Variants in RBFOX2 observed in about 807,000 individuals in gnomAD.
RBFOX2 encodes RNA binding fox-1 homolog 2, also known as RNA binding protein fox-1 homolog 2.
A neutral mutation model predicts 49.1 loss-of-function variants in RBFOX2; 10 were observed. That is an observed-to-expected ratio of 0.20 (90% CI 0.13 to 0.35). The LOEUF (loss-of-function observed/expected upper bound fraction) is 0.35. Among genes scored for constraint, RBFOX2 ranks in the 10% least tolerant of loss-of-function variants. RBFOX2 has a pLI of 1.00. For synonymous variants in RBFOX2, 183 were observed against 187.4 expected (o/e 0.98, Z 0.19); for missense variants, 323 against 486.9 (o/e 0.66, Z 3.17).
In RBFOX2 at chr22:35,944,523, T is replaced by C. The variant is rs79644956; in HGVS notation, c.43-5626A>G. ...ATTTTAAAAATACAGTTAAGAGAGG[T>C]ACAAAGAAAACTTAACAATACTGAA... is the stretch of plus-strand genomic sequence containing the variant. On this transcript the variant is annotated intron_variant, in intron 1 of 5. Transcript: ENST00000408983. 3.3e-3 allele frequency among the ~76,000 whole-genome samples: 502 copies of C among 152,000 alleles called. 1 individual carries two copies. Among genetic ancestry groups the C allele is most frequent in the African/African-American group, 0.011 (469 of 41,442 alleles).
chr22:35,835,662 A>G (rs997853373), intron 1 of RBFOX2, among the ~76,000 whole-genome samples: 2 of 152,240 alleles, frequency 1.3e-5, no homozygotes, highest in East Asian at 3.8e-4. Context: ...GGAGAAAGAT[A>G]AAGGAAAAAA....
chr22:35,773,851 A>C (rs1428755622), intron 4 of RBFOX2, among the ~76,000 whole-genome samples: 1 of 152,116 alleles, frequency 6.6e-6, no homozygotes, highest in Non-Finnish European at 1.5e-5. Flanking sequence ...AAGATGGTAG[A>C]AAGTCTGACC....
chr22:35,880,686 T>C (rs2045763621), intron 1 of RBFOX2, among the ~76,000 whole-genome samples: 1 of 152,236 alleles, frequency 6.6e-6, no homozygotes, highest in East Asian at 1.9e-4. Flanking sequence ...TTTTATCTTG[T>C]AATAATACAT....
upstream of RBFOX2, among the ~76,000 whole-genome samples, chr22:35,844,415 ACC>A (rs2040898697): frequency 6.6e-6 from 1 of 152,224 alleles, no homozygotes; most frequent in African/African-American, 2.4e-5. Flanking sequence ...AATGAAGAGC[ACC>A]TATGTAGTTA....
chr22:35,984,861 C>G (rs1244440219), intron 1 of RBFOX2, among the ~76,000 whole-genome samples: 1 of 152,162 alleles, frequency 6.6e-6, no homozygotes, highest in Non-Finnish European at 1.5e-5. Flanking sequence ...AAGCTGAGTT[C>G]AAATGCCTCC....
At chr22:35,812,878 A>T (rs146743637) in intron 1 of RBFOX2, among the ~76,000 whole-genome samples, 28 of 152,236 alleles carry the variant, frequency 1.8e-4, no homozygotes, top group African/African-American at 6.8e-4. Context: ...ATTCTCTCAC[A>T]GCGTTATTCT....
At chr22:35,838,784 T>C (rs759167924) in intron 1 of RBFOX2, among the ~76,000 whole-genome samples, 21 of 152,212 alleles carry the variant, frequency 1.4e-4, no homozygotes, top group Middle Eastern at 3.2e-3. Flanking sequence ...CTTCTCCGCT[T>C]TTCCAAAAGA....
At chr22:35,789,113 C>T (rs1369837146) in intron 2 of RBFOX2, among the ~76,000 whole-genome samples, 1 of 152,162 alleles carries the variant, frequency 6.6e-6, no homozygotes. Context: ...ATACCCACCC[C>T]TCATCCCACC....
At chr22:35,922,607 C>G (rs912196530) in intron 1 of RBFOX2, among the ~76,000 whole-genome samples, 1 of 151,518 alleles carries the variant, frequency 6.6e-6, no homozygotes, top group Non-Finnish European at 1.5e-5. Flanking sequence ...TAAATCAGGA[C>G]TTTGGTCTAT....
intron 1 of RBFOX2, among the ~76,000 whole-genome samples, chr22:35,970,655 G>A (rs1391573968): frequency 6.6e-6 from 1 of 152,048 alleles, no homozygotes; most frequent in South Asian, 2.1e-4. Context: ...AACAGAGTGA[G>A]ACCCTATCTA....
upstream of RBFOX2, among the ~76,000 whole-genome samples, chr22:35,962,076 T>G (rs1371679816): frequency 6.6e-6 from 1 of 152,172 alleles, no homozygotes; most frequent in Non-Finnish European, 1.5e-5. Context: ...AAAAAAACAG[T>G]TGGGTCATTT....
chr22:35,835,316 A>G (rs1215237553), intron 1 of RBFOX2, among the ~76,000 whole-genome samples: 1 of 152,214 alleles, frequency 6.6e-6, no homozygotes, highest in East Asian at 1.9e-4. Context: ...GGGGGGCTGT[A>G]TCACCTAGTA....
intron 1 of RBFOX2, among the ~76,000 whole-genome samples, chr22:35,810,387 T>TA (rs1951634780): frequency 6.6e-6 from 1 of 151,876 alleles, no homozygotes; most frequent in Non-Finnish European, 1.5e-5. Context: ...ACTCTGTCCC[T>TA]AAAAAATACG....
At chr22:35,793,628 CA>C (rs1243786617) in intron 2 of RBFOX2, among the ~76,000 whole-genome samples, 1 of 151,956 alleles carries the variant, frequency 6.6e-6, no homozygotes, top group Non-Finnish European at 1.5e-5. Context: ...ATATCACCAC[CA>C]AAACAATTTT....
chr22:35,779,378 G>C (rs1001276105), intron 3 of RBFOX2, among the ~76,000 whole-genome samples: 2 of 152,116 alleles, frequency 1.3e-5, no homozygotes, highest in Non-Finnish European at 2.9e-5. Context: ...CTGAAAAATG[G>C]AAAGAGCAAA....
intron 1 of RBFOX2, among the ~76,000 whole-genome samples, chr22:35,837,523 A>G (rs1957899814): frequency 1.3e-5 from 2 of 152,102 alleles, no homozygotes; most frequent in African/African-American, 4.8e-5. Flanking sequence ...ACACACACAC[A>G]CACGCAGGCA....
chr22:35,936,238 A>C (rs1432080326), intron 1 of RBFOX2, among the ~76,000 whole-genome samples: 5 of 106,546 alleles, frequency 4.7e-5, no homozygotes, highest in Non-Finnish European at 8.0e-5. Context: ...CAACAACAAC[A>C]AAAAAAAAAA....
chr22:35,782,074 C>A (rs995041561), intron 2 of RBFOX2, among the ~76,000 whole-genome samples: 1 of 152,102 alleles, frequency 6.6e-6, no homozygotes, highest in Non-Finnish European at 1.5e-5. Flanking sequence ...AAAAATAGTT[C>A]CTTCATTCTT....
intron 1 of RBFOX2, among the ~76,000 whole-genome samples, chr22:35,861,542 G>A (rs937441090): frequency 1.9e-4 from 29 of 152,186 alleles, no homozygotes; most frequent in African/African-American, 5.3e-4. Flanking sequence ...GTAAACAAGC[G>A]CATGAAAAGA....
Sources: allele counts gnomAD v4.1 joint callset (sites outside exome capture counted in the v4.1 genomes callset), GRCh38; gene constraint gnomAD v4.1.1; transcripts MANE v1.5; gene names NCBI Gene and HGNC (gene_info 2026-07-23, HGNC 2026-07-21).